LARS1: variants seen among roughly 807,000 people sequenced by gnomAD.
LARS1 encodes the protein leucyl-tRNA synthetase 1.
A neutral mutation model predicts 162.8 loss-of-function variants in LARS1; 100 were observed. The ratio of observed to expected loss-of-function variants is 0.61; its 90% CI spans 0.52 to 0.73. LARS1 has a LOEUF of 0.73. Among genes scored for constraint, LARS1 ranks in the 30% least tolerant of loss-of-function variants. The probability of loss-of-function intolerance (pLI) is 0.00; values close to 1 mark genes in which losing one functional copy is unlikely to be tolerated. For synonymous variants in LARS1, 457 were observed against 462.8 expected, an observed-to-expected ratio of 0.99 and a Z score of 0.16; for missense variants, 1,258 against 1,408.9, an observed-to-expected ratio of 0.89 and a Z score of 1.71.
chr5:146,181,800 T>A (rs1754858204), intron 1 of LARS1, among the ~76,000 whole-genome samples: 1 of 134,724 alleles, frequency 7.4e-6, no homozygotes, highest in Admixed American at 8.2e-5. Context: ...ATAAACACTA[T>A]GAAAAGAGAG....
chr5:146,172,568 T>G, intron 3 of LARS1, 119 bp downstream of exon 3: 1 of 468,138 alleles, frequency 2.1e-6, no homozygotes, highest in Admixed American at 4.2e-5. Flanking sequence ...AAAATTATGC[T>G]TTAAGGAATT....
chr5:146,130,751 T>A (rs552175760), intron 24 of LARS1: 3 of 291,070 alleles, frequency 1.0e-5, no homozygotes, highest in African/African-American at 6.5e-5. Flanking sequence ...CTGGAAAGTA[T>A]AGCTGAATTT....
At position 146,182,438 on chromosome 5, in the gene LARS1, T is replaced by C. The variant is rs368612679; in HGVS notation, c.6+50A>G. On this transcript the variant is annotated intron_variant, in intron 1 of 31. Coordinates refer to ENST00000394434, the MANE Select transcript of LARS1 (RefSeq NM_020117.11). ...CAGCACATGGAGAGCCCCTAGAGAC[T>C]GGCCAGTCCGGCTCCAGGGCCCCTG... 2.0e-5 allele frequency: 33 copies of C among 1,612,658 alleles called. No individual in the cohort carries two copies. The African/African-American group carries it at 3.9e-4, about 19-fold the overall frequency.
At chr5:146,132,847 A>C (rs995505488) in intron 23 of LARS1, 51 bp downstream of exon 23, 8 of 1,387,620 alleles carry the variant, frequency 5.8e-6, no homozygotes, top group Non-Finnish European at 7.9e-6. Flanking sequence ...ACAAAAATGC[A>C]CCAGGACTAA....
At chr5:146,126,409 A>G in intron 28 of LARS1, 26 bp downstream of exon 28, 1 of 1,412,994 alleles carries the variant, frequency 7.1e-7, no homozygotes, top group Non-Finnish European at 1.0e-6. Context: ...TCATGTGGTC[A>G]CAGCTGCATA....
At position 146,113,970 on chromosome 5, in the gene LARS1, T is replaced by C; in HGVS notation, c.*136A>G. 1 of 697,144 alleles carries C rather than the reference T, an allele frequency of 1.4e-6. No individual in the cohort carries two copies. Among genetic ancestry groups the C allele is most frequent in the Non-Finnish European group, 2.5e-6 (1 of 402,330 alleles). The allele number at this position is 697,144 out of a possible 1,614,324, so 43.2% of individuals were successfully genotyped here. ...AAAGATGACTTGATAGAATTATGAA[T>C]ACATGCAGAATTGGATGGTTAGAAA... is the stretch of plus-strand genomic sequence containing the variant. On this transcript the variant is annotated 3_prime_UTR_variant, in exon 32 of 32. Transcript: ENST00000394434.
chr5:146,116,102 G>A (rs1197579775), intron 31 of LARS1, among the ~76,000 whole-genome samples: 1 of 152,156 alleles, frequency 6.6e-6, no homozygotes, highest in Non-Finnish European at 1.5e-5. Context: ...TCTTTGGAGA[G>A]TTTCTGCAGG....
chr5:146,126,312 T>C (rs1389191352), intron 28 of LARS1, 123 bp downstream of exon 28: 13 of 566,952 alleles, frequency 2.3e-5, no homozygotes, highest in African/African-American at 5.7e-5. Flanking sequence ...CAGTCATTGA[T>C]TGAAAAGTGC....
intron 13 of LARS1, 28 bp downstream of exon 13, chr5:146,153,146 G>C (rs1281125794): frequency 6.5e-7 from 1 of 1,533,590 alleles, no homozygotes; most frequent in Non-Finnish European, 9.0e-7. Flanking sequence ...AGATGGATGT[G>C]AATATTCTGA....
In LARS1 at chr5:146,182,400, T is replaced by C. The variant is rs1754911939; in HGVS notation, c.6+88A>G. The C allele has an allele frequency of 2.6e-6, 4 of 1,554,534 alleles. No individual in the cohort carries two copies. In the South Asian group the frequency reaches 4.4e-5, roughly 17 times the overall value. Reference sequence around the variant, plus strand: ...GCGTGGCTCTCTTTTAGAAAAGGACTTTCCCTTCAGGACAGCACATGGAGA... The same window carrying C: ...GCGTGGCTCTCTTTTAGAAAAGGACCTTCCCTTCAGGACAGCACATGGAGA... On this transcript the variant is annotated intron_variant, in intron 1 of 31. Coordinates refer to ENST00000394434, the MANE Select transcript of LARS1 (RefSeq NM_020117.11).
rs144307734 is a variant in LARS1 at position 146,160,505 on chromosome 5, A to G, written c.595-19T>C. 608 of 1,365,274 alleles carry G rather than the reference A, an allele frequency of 4.5e-4. 3 individuals carry two copies. The African/African-American group carries it at 8.4e-3, about 19-fold the overall frequency. 84.6% of individuals were successfully genotyped at this position (1,365,274 alleles called of 1,614,324 possible). On this transcript the variant is annotated intron_variant, in intron 6 of 31. Coordinates refer to ENST00000394434, the MANE Select transcript of LARS1 (RefSeq NM_020117.11). ...AGTCTACCTATAAAAGGAAAATTTTAAAAGGCAATTACTGAGAAATACACA... is the reference window on the plus strand; with the variant it reads ...AGTCTACCTATAAAAGGAAAATTTTGAAAGGCAATTACTGAGAAATACACA...
chr5:146,128,958 A>C lies in LARS1; in HGVS notation c.2769+20T>G, dbSNP rs1174237677. ...CTTTTAAGGAATAATCCTTTAAAAA[A>C]AAAAACAAAAAAACTTTACCTTCCC... On this transcript the variant is annotated intron_variant, in intron 26 of 31. Coordinates refer to ENST00000394434, the MANE Select transcript of LARS1 (RefSeq NM_020117.11). 5.7e-6 allele frequency: 9 copies of C among 1,569,058 alleles called. No homozygotes were observed. Among genetic ancestry groups the C allele is most frequent in the East Asian group, 4.5e-5 (2 of 44,676 alleles).
Position 146,151,894 on chromosome 5 carries a change from C to T in LARS1, c.1393G>A (p.Glu465Lys). The T allele has an allele frequency of 6.2e-7, 1 of 1,614,022 alleles. No homozygotes were observed. Among genetic ancestry groups the T allele is most frequent in the East Asian group, 2.2e-5 (1 of 44,880 alleles). The change falls in exon 14 of 32, where the codon GAG becomes AAG. Residue 465 changes from glutamate to lysine, a missense_variant. By Grantham distance (56) the Glu-to-Lys change is moderately conservative. Transcript: ENST00000394434. ...NDREKLAEAK[E>K]KIYLKGFYEG... ...TAAAATCCTTTTAGATATATCTTCT[C>T]CTTTGCTTCTGCAAGTTTTTCCCGG...
intron 21 of LARS1, chr5:146,139,097 C>T (rs1752642736): frequency 4.1e-6 from 1 of 241,970 alleles, no homozygotes; most frequent in African/African-American, 2.4e-5. Context: ...AATCGCAGCA[C>T]TTTGGGAAGC....
chr5:146,123,689 T>C (rs1017147332), intron 29 of LARS1, among the ~76,000 whole-genome samples: 2 of 151,864 alleles, frequency 1.3e-5, no homozygotes, highest in Admixed American at 6.6e-5. Flanking sequence ...CATTTGAATA[T>C]AAGGTCTCTT....
At chr5:146,160,799 A>G in intron 6 of LARS1, among the ~76,000 whole-genome samples, 1 of 152,224 alleles carries the variant, frequency 6.6e-6, no homozygotes, top group Non-Finnish European at 1.5e-5. Context: ...TTCTTTGAAT[A>G]AAGCTCCTTT....
At chr5:146,179,628 TC>T in intron 1 of LARS1, 1 of 413,222 alleles carries the variant, frequency 2.4e-6, no homozygotes, top group Non-Finnish European at 4.9e-6. Flanking sequence ...AGAGAGGGTC[TC>T]CCTCTGCCAC....
At chr5:146,146,721 C>T (rs73315778) in intron 15 of LARS1, among the ~76,000 whole-genome samples, 4,139 of 149,472 alleles carry the variant, frequency 0.028, 167 homozygotes, top group African/African-American at 0.092. Context: ...GTTGCTTAGA[C>T]TTTTTTGTTT....
At chr5:146,177,704 G>A in intron 1 of LARS1, 39 bp from the exon 2 acceptor site, 3 of 1,081,048 alleles carry the variant, frequency 2.8e-6, no homozygotes, top group Admixed American at 2.0e-5. Context: ...CTGTATTTCA[G>A]CACGCTTGCT....
Sources: gnomAD v4.1 joint callset for allele counts (sites outside exome capture counted in the v4.1 genomes callset) on GRCh38, gnomAD v4.1.1 for gene constraint, MANE v1.5 for transcripts, NCBI Gene and HGNC (gene_info 2026-07-23, HGNC 2026-07-21) for gene names.